ITCH: variants seen among roughly 807,000 people sequenced by gnomAD.
The protein encoded by ITCH is itchy E3 ubiquitin protein ligase.
In ITCH, 28 loss-of-function variants were observed where a neutral mutation model predicts 126.8. The ratio of observed to expected loss-of-function variants is 0.22; its 90% CI spans 0.16 to 0.30. The LOEUF (loss-of-function observed/expected upper bound fraction) is 0.30, where lower values mean the gene tolerates loss of function less well. ITCH is among the 10% of genes least tolerant of loss of function. The probability of loss-of-function intolerance (pLI) is 1.00; values close to 1 mark genes in which losing one functional copy is unlikely to be tolerated. For missense variants in ITCH, 631 were observed against 1,032.4 expected (o/e 0.61, Z 5.33); for synonymous variants, 342 against 340.0 (o/e 1.01, Z -0.06).
intron 5 of ITCH, among the ~76,000 whole-genome samples, chr20:34,413,100 G>A (rs1195984475): frequency 2.6e-5 from 4 of 152,036 alleles, no homozygotes; most frequent in South Asian, 2.1e-4. Context: ...GCACAGTGTA[G>A]TTTTGAACTC....
intron 16 of ITCH, among the ~76,000 whole-genome samples, chr20:34,474,940 G>T (rs994172643): frequency 6.6e-6 from 1 of 151,586 alleles, no homozygotes; most frequent in Non-Finnish European, 1.5e-5. Flanking sequence ...CTTCTCAGAC[G>T]GGGTGGCTGG....
intron 8 of ITCH, among the ~76,000 whole-genome samples, chr20:34,439,843 A>G (rs1259423214): frequency 6.6e-6 from 1 of 152,226 alleles, no homozygotes; most frequent in Non-Finnish European, 1.5e-5. Context: ...AACTTAAAAT[A>G]CCAAGGAATA....
intron 23 of ITCH, among the ~76,000 whole-genome samples, chr20:34,496,803 CAAAAAAAAAAAA>C (rs60619641): frequency 1.0e-5 from 1 of 99,412 alleles, no homozygotes; most frequent in Admixed American, 1.2e-4. Context: ...CACTCCATCT[CAAAAAAAAAAAA>C]AAAAAAGAAA....
At chr20:34,440,783 TC>T (rs1290529852) in intron 9 of ITCH, among the ~76,000 whole-genome samples, 1 of 152,084 alleles carries the variant, frequency 6.6e-6, no homozygotes, top group Non-Finnish European at 1.5e-5. Context: ...TTTTGGGGGA[TC>T]TGGAGTCAAA....
intron 2 of ITCH, among the ~76,000 whole-genome samples, chr20:34,388,932 A>G (rs1055741778): frequency 2.6e-5 from 4 of 152,224 alleles, no homozygotes; most frequent in South Asian, 2.1e-4. Flanking sequence ...GATGAAGATA[A>G]GAGCACTTTT....
chr20:34,471,641 G>T (rs1299154146), intron 16 of ITCH, 126 bp downstream of exon 16: 5 of 690,038 alleles, frequency 7.2e-6, no homozygotes, highest in Middle Eastern at 2.4e-4. Context: ...TTTCAAGTGC[G>T]ATCTCATTGC....
intron 21 of ITCH, 137 bp from the exon 22 acceptor site, chr20:34,489,685 T>G: frequency 1.4e-6 from 1 of 734,368 alleles, no homozygotes; most frequent in East Asian, 2.5e-5. Context: ...AATGTAGATA[T>G]AATTCTTGAT....
At chr20:34,507,346 A>G (rs1257811820) in intron 24 of ITCH, among the ~76,000 whole-genome samples, 1 of 142,338 alleles carries the variant, frequency 7.0e-6, no homozygotes, top group African/African-American at 2.7e-5. Context: ...ACAGGTGTGA[A>G]GTGGTATCTC....
At chr20:34,389,127 C>G (rs2038396918) in intron 2 of ITCH, among the ~76,000 whole-genome samples, 1 of 151,886 alleles carries the variant, frequency 6.6e-6, no homozygotes, top group Non-Finnish European at 1.5e-5. Flanking sequence ...GTTTCACATC[C>G]CATGAGTACT....
At position 34,477,923 on chromosome 20, in the gene ITCH, CT is replaced by C. The variant is rs1379568998; in HGVS notation, c.1658+65del. 6.9e-6 allele frequency: 11 copies of C among 1,597,588 alleles called. 1 individual carries two copies. The highest frequency in any genetic ancestry group is 3.4e-5 in the Admixed American group (2 of 58,074). On this transcript the variant is annotated intron_variant, in intron 17 of 24. Coordinates refer to ENST00000374864, the MANE Select transcript of ITCH (RefSeq NM_031483.7). ...CCTCCAAAGGTACCATTGCACTTCG[CT>C]TGCAAGTATTATTTTCTCAATCTTA...
At chr20:34,463,906 T>C (rs962493788) in intron 14 of ITCH, among the ~76,000 whole-genome samples, 1 of 152,084 alleles carries the variant, frequency 6.6e-6, no homozygotes, top group East Asian at 1.9e-4. Context: ...GTGGTTTCCT[T>C]TTTACTGTAG....
intron 16 of ITCH, chr20:34,476,482 G>C (rs779739326): frequency 8.3e-7 from 1 of 1,211,250 alleles, no homozygotes; most frequent in Admixed American, 4.4e-5. Flanking sequence ...CATCGCCCGC[G>C]GTCGGGAACT....
intron 2 of ITCH, among the ~76,000 whole-genome samples, chr20:34,380,307 GA>G (rs1243764849): frequency 6.6e-6 from 1 of 151,946 alleles, no homozygotes; most frequent in African/African-American, 2.4e-5. Context: ...GTAATTTTTT[GA>G]AGGACTGAAT....
At chr20:34,429,634 A>G (rs1982020870) in intron 7 of ITCH, among the ~76,000 whole-genome samples, 1 of 151,974 alleles carries the variant, frequency 6.6e-6, no homozygotes, top group South Asian at 2.1e-4. Flanking sequence ...TTCTTATATA[A>G]TTTTTCATTA....
At chr20:34,476,415 C>A in intron 16 of ITCH, 1 of 1,237,110 alleles carries the variant, frequency 8.1e-7, no homozygotes, top group South Asian at 3.7e-5. Flanking sequence ...ACCGGCCGGC[C>A]GGGTCGCCGA....
chr20:34,395,740 T>TTG (rs1417562008), intron 3 of ITCH, among the ~76,000 whole-genome samples: 1 of 152,208 alleles, frequency 6.6e-6, no homozygotes, highest in African/African-American at 2.4e-5. Context: ...GGCAGACTGT[T>TTG]TTCAAAGTTC....
intron 20 of ITCH, among the ~76,000 whole-genome samples, chr20:34,482,235 G>T (rs1056718813): frequency 6.6e-6 from 1 of 152,088 alleles, no homozygotes; most frequent in Admixed American, 6.6e-5. Context: ...CAAATCTCAT[G>T]TCTTCACATT....
At chr20:34,458,838 C>A (rs115145813) in intron 13 of ITCH, among the ~76,000 whole-genome samples, 270 of 152,322 alleles carry the variant, frequency 1.8e-3, no homozygotes, top group African/African-American at 6.1e-3. Context: ...CATCTTGATA[C>A]ATCTGCAGTA....
At chr20:34,409,295 A>T (rs918104292) in intron 4 of ITCH, among the ~76,000 whole-genome samples, 1 of 151,920 alleles carries the variant, frequency 6.6e-6, no homozygotes, top group South Asian at 2.1e-4. Flanking sequence ...TGGCCTCAAG[A>T]GATCCTCCTG....
Sources: gnomAD v4.1 joint callset for allele counts (sites outside exome capture counted in the v4.1 genomes callset) on GRCh38, gnomAD v4.1.1 for gene constraint, MANE v1.5 for transcripts, NCBI Gene and HGNC (gene_info 2026-07-23, HGNC 2026-07-21) for gene names.